Variants in NAALADL2 observed in about 807,000 individuals in gnomAD.
NAALADL2 encodes N-acetylated alpha-linked acidic dipeptidase like 2.
A neutral mutation model predicts 87.2 loss-of-function variants in NAALADL2; 76 were observed. That is an observed-to-expected ratio of 0.87 (90% confidence interval 0.72 to 1.05). The LOEUF is 1.05. Among genes scored for constraint, NAALADL2 ranks in the 50% least tolerant of loss-of-function variants. NAALADL2 has a pLI of 0.00. For missense variants in NAALADL2, 1,089 were observed against 945.8 expected, an observed-to-expected ratio of 1.15 and a Z score of -1.99; for synonymous variants, 354 against 331.0, an observed-to-expected ratio of 1.07 and a Z score of -0.75.
chr3:175,075,679 A>G (rs1043809811), intron 1 of NAALADL2, among the ~76,000 whole-genome samples: 2 of 152,120 alleles, frequency 1.3e-5, no homozygotes, highest in Admixed American at 6.6e-5. Context: ...TCCTAAAATG[A>G]TCTTTAAATG....
At chr3:175,583,142 A>G (rs1200187297) in intron 10 of NAALADL2, among the ~76,000 whole-genome samples, 2 of 152,206 alleles carry the variant, frequency 1.3e-5, no homozygotes, top group Admixed American at 6.5e-5. Flanking sequence ...CAGTCAATAA[A>G]TTACATGATA....
At chr3:174,460,687 A>T (rs1716161713) in intron 1 of NAALADL2, among the ~76,000 whole-genome samples, 1 of 151,814 alleles carries the variant, frequency 6.6e-6, no homozygotes, top group Non-Finnish European at 1.5e-5. Flanking sequence ...TTTAAACTTT[A>T]TAAACGTAAT....
chr3:175,456,767 A>G (rs202243220), intron 6 of NAALADL2, among the ~76,000 whole-genome samples: 1 of 152,018 alleles, frequency 6.6e-6, no homozygotes, highest in Non-Finnish European at 1.5e-5. Context: ...CACAGACTCA[A>G]TTAAACATTT....
chr3:174,832,306 T>G lies in NAALADL2; in HGVS notation c.-9+94560T>G, dbSNP rs866678623. ...TGTGTCCCAGAGATTCTGGTATGTT[T>G]TGTCTTTGTTCTCGTTGGTTTCAAA... On this transcript the variant is annotated intron_variant, in intron 3 of 3. Coordinates refer to the NAALADL2 transcript ENST00000434257. Among the ~76,000 whole-genome samples the G allele has an allele frequency of 2.9e-3, 447 of 152,252 alleles. 2 individuals carry two copies. Among genetic ancestry groups the G allele is most frequent in the African/African-American group, 0.01 (425 of 41,544 alleles).
intron 3 of NAALADL2, among the ~76,000 whole-genome samples, chr3:174,787,608 T>TATACAC (rs1716946203): frequency 1.8e-5 from 2 of 109,336 alleles, no homozygotes; most frequent in East Asian, 2.6e-4. Flanking sequence ...TATATATATA[T>TATACAC]ATATATATAT....
intron 4 of NAALADL2, among the ~76,000 whole-genome samples, chr3:175,273,757 T>C (rs1399216209): frequency 6.6e-6 from 1 of 152,040 alleles, no homozygotes; most frequent in Non-Finnish European, 1.5e-5. Flanking sequence ...TGTTAAATTA[T>C]ATTTTAACCA....
intron 9 of NAALADL2, among the ~76,000 whole-genome samples, chr3:175,489,895 C>T (rs771263128): frequency 1.4e-4 from 22 of 152,158 alleles, no homozygotes; most frequent in African/African-American, 3.1e-4. Context: ...ATATGACAAT[C>T]GACATTTTTG....
intron 1 of NAALADL2, among the ~76,000 whole-genome samples, chr3:174,915,805 A>G (rs142532757): frequency 7.8e-4 from 119 of 152,294 alleles, no homozygotes; most frequent in African/African-American, 2.6e-3. Context: ...TCTTCTGGAC[A>G]TTGGCTTAGG....
At chr3:175,244,823 C>T (rs1205909558) in intron 3 of NAALADL2, among the ~76,000 whole-genome samples, 1 of 152,170 alleles carries the variant, frequency 6.6e-6, no homozygotes, top group Non-Finnish European at 1.5e-5. Flanking sequence ...TCATCACCCT[C>T]TATTACATTA....
intron 6 of NAALADL2, among the ~76,000 whole-genome samples, chr3:175,453,073 C>T (rs1443081605): frequency 5.3e-5 from 8 of 152,128 alleles, no homozygotes; most frequent in Non-Finnish European, 1.5e-5. Flanking sequence ...CTGAGATGTA[C>T]ACTTGGAAGC....
intron 1 of NAALADL2, among the ~76,000 whole-genome samples, chr3:175,044,497 T>C (rs975126816): frequency 5.3e-5 from 8 of 152,180 alleles, no homozygotes; most frequent in African/African-American, 1.9e-4. Flanking sequence ...GGGAATCTGA[T>C]AACTGTTATA....
intron 1 of NAALADL2, among the ~76,000 whole-genome samples, chr3:174,473,304 T>G (rs558199684): frequency 3.3e-5 from 5 of 152,260 alleles, no homozygotes; most frequent in African/African-American, 1.2e-4. Context: ...GATGATCTGC[T>G]CCAAGAAAAT....
At chr3:175,549,223 A>C (rs1345986950) in intron 9 of NAALADL2, among the ~76,000 whole-genome samples, 52 of 152,018 alleles carry the variant, frequency 3.4e-4, no homozygotes, top group African/African-American at 1.2e-3. Flanking sequence ...CTCTGTAAAT[A>C]ATACACCACC....
At chr3:175,084,522 C>T (rs751623078) in intron 1 of NAALADL2, among the ~76,000 whole-genome samples, 1 of 152,156 alleles carries the variant, frequency 6.6e-6, no homozygotes, top group Non-Finnish European at 1.5e-5. Flanking sequence ...GTTATTCATG[C>T]CTTAATTACA....
chr3:175,072,920 A>T (rs1173903016), intron 1 of NAALADL2, among the ~76,000 whole-genome samples: 1 of 151,976 alleles, frequency 6.6e-6, no homozygotes, highest in Non-Finnish European at 1.5e-5. Context: ...TTTATAAATG[A>T]TTGCAATGAA....
intron 11 of NAALADL2, among the ~76,000 whole-genome samples, chr3:175,733,228 A>C (rs1744029681): frequency 6.6e-6 from 1 of 152,216 alleles, no homozygotes; most frequent in Non-Finnish European, 1.5e-5. Flanking sequence ...CTGCTGATAA[A>C]GACATACCGA....
chr3:175,608,959 C>T lies in NAALADL2; in HGVS notation c.1801-18332C>T, dbSNP rs1267554102. On this transcript the variant is annotated intron_variant, in intron 10 of 13. Transcript: ENST00000454872. ...TTCTGAGCTATCACCATAAAACATA[C>T]CAAAGAGATAATCGTCTTGATCCAA... Among the ~76,000 whole-genome samples, 7 of 126,020 alleles carry T rather than the reference C, an allele frequency of 5.6e-5. No individual in the cohort carries two copies. In the Admixed American group the frequency reaches 5.8e-4, roughly 10 times the overall value. 82.7% of individuals were successfully genotyped at this position (126,020 alleles called of 152,430 possible).
chr3:175,319,964 G>C (rs1759635553), intron 4 of NAALADL2, among the ~76,000 whole-genome samples: 1 of 152,208 alleles, frequency 6.6e-6, no homozygotes. Context: ...TCAGCGAATG[G>C]TGCTGCCTTG....
chr3:175,522,307 G>A lies in NAALADL2; in HGVS notation c.1653+50549G>A, dbSNP rs151261174. On this transcript the variant is annotated intron_variant, in intron 9 of 13. Coordinates refer to ENST00000454872, the MANE Select transcript of NAALADL2 (RefSeq NM_207015.3). Reference sequence around the variant, plus strand: ...GAATAGAAAATACTAACAAATATTCGTTGAATGCTCCTAATATATGAACAT... The same window carrying A: ...GAATAGAAAATACTAACAAATATTCATTGAATGCTCCTAATATATGAACAT... 3.5e-3 allele frequency among the ~76,000 whole-genome samples: 529 copies of A among 152,058 alleles called. 10 individuals are homozygous for A. The highest frequency in any genetic ancestry group is 0.032 in the Admixed American group (489 of 15,272).
Sources: allele counts gnomAD v4.1 joint callset (sites outside exome capture counted in the v4.1 genomes callset), GRCh38; gene constraint gnomAD v4.1.1; transcripts MANE v1.5; gene names NCBI Gene and HGNC (gene_info 2026-07-23, HGNC 2026-07-21).